GSG1L: variants seen among roughly 807,000 people sequenced by gnomAD.
GSG1L encodes germ cell-specific gene 1-like protein.
In GSG1L, 24 loss-of-function variants were observed where a neutral mutation model predicts 42.1. The observed-to-expected ratio is 0.57, with a 90% CI of 0.41 to 0.80. The LOEUF (loss-of-function observed/expected upper bound fraction) is 0.80. Ranked by LOEUF, GSG1L falls within the 30% of genes least tolerant of loss-of-function variation. GSG1L has a pLI of 0.00. For synonymous variants in GSG1L, 215 were observed against 203.5 expected (o/e 1.06, Z -0.48); for missense variants, 445 against 472.2 (o/e 0.94, Z 0.53).
intron 2 of GSG1L, among the ~76,000 whole-genome samples, chr16:27,893,388 G>T (rs1197801567): frequency 2.0e-5 from 3 of 152,130 alleles, no homozygotes; most frequent in Non-Finnish European, 4.4e-5. Flanking sequence ...TGTCTCGGCT[G>T]TGTGACATTG....
chr16:28,014,412 A>G (rs1302485648), intron 1 of GSG1L, among the ~76,000 whole-genome samples: 1 of 152,168 alleles, frequency 6.6e-6, no homozygotes, highest in African/African-American at 2.4e-5. Flanking sequence ...CTCTTTACAT[A>G]GGTATGCGGT....
chr16:27,894,675 A>C (rs1446036187), intron 2 of GSG1L, among the ~76,000 whole-genome samples: 3 of 152,082 alleles, frequency 2.0e-5, no homozygotes, highest in Non-Finnish European at 4.4e-5. Context: ...AGAGGCAGGG[A>C]TGTACCGGCG....
At chr16:28,005,060 A>C (rs1270551038) in intron 1 of GSG1L, among the ~76,000 whole-genome samples, 1 of 152,096 alleles carries the variant, frequency 6.6e-6, no homozygotes, top group Non-Finnish European at 1.5e-5. Context: ...CAAAATTAAG[A>C]GGTTGGTAGG....
chr16:28,062,901 G>A (rs1402507017), intron 1 of GSG1L, among the ~76,000 whole-genome samples, 175 bp downstream of exon 1: 1 of 152,004 alleles, frequency 6.6e-6, no homozygotes, highest in African/African-American at 2.4e-5. Flanking sequence ...GCTGGTCCCC[G>A]GCCCCGGAAC....
chr16:27,964,086 C>A (rs62033520), intron 1 of GSG1L, among the ~76,000 whole-genome samples: 41,519 of 151,988 alleles, frequency 0.27, 6,413 homozygotes, highest in Non-Finnish European at 0.35. Context: ...ACAGATCATA[C>A]TTTGGGAGGC....
intron 1 of GSG1L, among the ~76,000 whole-genome samples, chr16:28,021,923 G>C (rs570845279): frequency 4.4e-4 from 67 of 152,312 alleles, no homozygotes; most frequent in Non-Finnish European, 3.5e-4. Context: ...TCACAGCATG[G>C]TGCCTGACTT....
intron 1 of GSG1L, among the ~76,000 whole-genome samples, chr16:27,965,912 T>G (rs1422907824): frequency 6.6e-6 from 1 of 152,138 alleles, no homozygotes; most frequent in Non-Finnish European, 1.5e-5. Context: ...AGAGCCTAAG[T>G]CCTCGCTGTG....
intron 2 of GSG1L, among the ~76,000 whole-genome samples, chr16:27,886,434 C>T (rs1275265079): frequency 3.3e-5 from 5 of 151,982 alleles, no homozygotes; most frequent in Non-Finnish European, 2.9e-5. Context: ...AGCGAGACTC[C>T]GTCTCAAAAA....
intron 5 of GSG1L, among the ~76,000 whole-genome samples, chr16:27,821,448 T>C (rs1430025003): frequency 6.6e-6 from 1 of 152,138 alleles, no homozygotes. Context: ...TCCCTGCTCT[T>C]GCAGTCCCCA....
At position 28,027,729 on chromosome 16, in the gene GSG1L, G is replaced by A. The variant is rs76176935; in HGVS notation, c.349+35347C>T. Among the ~76,000 whole-genome samples the A allele has an allele frequency of 8.7e-3, 1,329 of 152,186 alleles. 16 individuals carry two copies. Among genetic ancestry groups the A allele is most frequent in the Admixed American group, 0.021 (314 of 15,282 alleles). ...ACTAGTAGGGTTTCCATCATTAGAA[G>A]TAAGAGTCTTGGCCAGGCACCGTGG... On this transcript the variant is annotated intron_variant, in intron 1 of 6. Transcript: ENST00000447459.
chr16:27,919,873 C>T (rs2084504539), intron 2 of GSG1L, among the ~76,000 whole-genome samples: 1 of 151,986 alleles, frequency 6.6e-6, no homozygotes. Context: ...TCTTTCAATG[C>T]TTATTTATCA....
intron 5 of GSG1L, among the ~76,000 whole-genome samples, chr16:27,808,480 A>G (rs947808896): frequency 2.0e-5 from 3 of 150,238 alleles, no homozygotes; most frequent in Admixed American, 6.7e-5. Flanking sequence ...GTGCAGTGGC[A>G]CGGTCTCGGC....
intron 5 of GSG1L, among the ~76,000 whole-genome samples, chr16:27,822,349 A>G (rs991531874): frequency 6.6e-6 from 1 of 152,152 alleles, no homozygotes; most frequent in Non-Finnish European, 1.5e-5. Flanking sequence ...AGGCGCTCAA[A>G]CAGTGTCTGC....
chr16:27,795,168 C>T (rs1422544883), intron 6 of GSG1L, among the ~76,000 whole-genome samples: 1 of 147,754 alleles, frequency 6.8e-6, no homozygotes, highest in African/African-American at 2.5e-5. Context: ...GAGCAAGTCC[C>T]AAACTGACTC....
chr16:28,026,035 T>G (rs1371533058), intron 1 of GSG1L, among the ~76,000 whole-genome samples: 1 of 152,176 alleles, frequency 6.6e-6, no homozygotes, highest in African/African-American at 2.4e-5. Flanking sequence ...AAGAAATTCG[T>G]CTGATCAACA....
chr16:27,922,977 G>A (rs1396926752), intron 2 of GSG1L, among the ~76,000 whole-genome samples: 1 of 152,076 alleles, frequency 6.6e-6, no homozygotes, highest in Non-Finnish European at 1.5e-5. Flanking sequence ...TTGTAGAGAA[G>A]GAGTTTCACT....
At chr16:27,966,784 G>A (rs148094605) in intron 1 of GSG1L, among the ~76,000 whole-genome samples, 2 of 152,224 alleles carry the variant, frequency 1.3e-5, no homozygotes, top group East Asian at 3.9e-4. Context: ...TGACCCACAC[G>A]GGATCATAAA....
At chr16:27,995,072 A>G (rs2085500673) in intron 1 of GSG1L, among the ~76,000 whole-genome samples, 1 of 152,168 alleles carries the variant, frequency 6.6e-6, no homozygotes, top group African/African-American at 2.4e-5. Context: ...CAGCATCCCC[A>G]AGTTCAGGGG....
intron 1 of GSG1L, among the ~76,000 whole-genome samples, chr16:28,052,385 TC>T (rs1177632883): frequency 6.6e-6 from 1 of 152,104 alleles, no homozygotes; most frequent in Non-Finnish European, 1.5e-5. Flanking sequence ...CACCTCAGCC[TC>T]CCAAAGTGCT....
Sources: gnomAD v4.1 joint callset for allele counts (sites outside exome capture counted in the v4.1 genomes callset) on GRCh38, gnomAD v4.1.1 for gene constraint, MANE v1.5 for transcripts, NCBI Gene and HGNC (gene_info 2026-07-23, HGNC 2026-07-21) for gene names.